The following PLK1 variants were observed in gnomAD, a reference collection of about 807,000 sequenced individuals.
PLK1 encodes the protein serine/threonine-protein kinase PLK1.
PLK1 carries 6 observed loss-of-function variants against 56.7 expected under a neutral mutation model. The ratio of observed to expected loss-of-function variants is 0.11; its 90% CI spans 0.06 to 0.21. The LOEUF is 0.21. Among genes scored for constraint, PLK1 ranks in the 10% least tolerant of loss-of-function variants. The pLI is 1.00. For missense variants in PLK1, 546 were observed against 814.4 expected (o/e 0.67, Z 4.01); for synonymous variants, 298 against 325.0 (o/e 0.92, Z 0.89).
chr16:23,687,575 G>A lies in PLK1; in HGVS notation c.1143G>A (p.Leu381=), dbSNP rs1177709054. Residue 381 remains leucine, a synonymous_variant, in exon 6 of 10, where the codon CTG becomes CTA. Transcript: ENST00000300093. ...DCHLSDMLQQ[L]HSVNASKPSE... is the part of the protein sequence containing the mutation. ...ACCTCAGTGACATGCTGCAGCAGCT[G>A]CACAGTGTCAATGCCTCCAAGCCCT... 3 of 1,603,372 alleles carry A rather than the reference G, an allele frequency of 1.9e-6. No homozygotes were observed. The highest frequency in any genetic ancestry group is 2.6e-6 in the Non-Finnish European group (3 of 1,173,966).
Position 23,689,401 on chromosome 16 carries a change from C to T in PLK1, c.1425+9C>T, listed in dbSNP as rs201929610. ...ACTCCTTGATGAAGAAGGTGAGTGC[C>T]GTCCGGCCCATGGGGGGTGGTGTTG... On this transcript the variant is annotated intron_variant, in intron 8 of 9. Transcript: ENST00000300093. The surrounding 1 kb of genome is among the most constrained non-coding windows in gnomAD (Gnocchi z 4.8). 227 of 1,605,164 alleles carry T rather than the reference C, an allele frequency of 1.4e-4. No homozygotes were observed. The East Asian group carries it at 2.2e-3, about 16-fold the overall frequency.
At chr16:23,683,465 G>T (rs1188068970) in intron 4 of PLK1, among the ~76,000 whole-genome samples, 1 of 152,130 alleles carries the variant, frequency 6.6e-6, no homozygotes, top group Non-Finnish European at 1.5e-5. Context: ...TTCACTGTCA[G>T]AGACAGCATG....
chr16:23,689,653 A>C lies in PLK1; in HGVS notation c.1585A>C (p.Ser529Arg). ...CATCATCCTGCACCTCAGCAACGGC[A>C]GCGTGCAGATCAACTTCTTCCAGGT... ...SAIILHLSNG[S>R]VQINFFQDHT... is the part of the protein sequence containing the mutation. Residue 529 changes from serine to arginine, a missense_variant, in exon 9 of 10, where the codon AGC becomes CGC. By Grantham distance (110) the Ser-to-Arg change is moderately radical (BLOSUM62 -1). Around this residue, in one of 7 missense-constraint regions of PLK1, gnomAD observed 113 missense variants for 202.0 expected, o/e 0.56. Coordinates refer to ENST00000300093, the MANE Select transcript of PLK1 (RefSeq NM_005030.6). This position sits in a 1 kb window ranked among gnomAD's most constrained non-coding sequence, Gnocchi z 4.8. 1.9e-6 allele frequency: 3 copies of C among 1,608,550 alleles called. No homozygotes were observed. The highest frequency in any genetic ancestry group is 2.5e-6 in the Non-Finnish European group (3 of 1,177,594).
intron 4 of PLK1, among the ~76,000 whole-genome samples, chr16:23,683,382 T>C (rs1162694701): frequency 6.6e-6 from 1 of 152,140 alleles, no homozygotes. Context: ...GTTTGAAGTG[T>C]AGTGTCCTTG....
chr16:23,678,943 C>G lies in PLK1; in HGVS notation c.11C>G (p.Ala4Gly). 2 of 1,556,098 alleles carry G rather than the reference C, an allele frequency of 1.3e-6. No homozygotes were observed. Among genetic ancestry groups the G allele is most frequent in the Non-Finnish European group, 1.7e-6 (2 of 1,150,652 alleles). Residue 4 changes from alanine to glycine, a missense_variant, in exon 1 of 10, where the codon GCA becomes GGA. Physicochemically the swap from Ala to Gly is moderately conservative, Grantham distance 60. Coordinates refer to ENST00000300093, the MANE Select transcript of PLK1 (RefSeq NM_005030.6). ...CGCAGCTTCGGGAGCATGAGTGCTGCAGTGACTGCAGGGAAGCTGGCACGG... is the reference window on the plus strand; with the variant it reads ...CGCAGCTTCGGGAGCATGAGTGCTGGAGTGACTGCAGGGAAGCTGGCACGG... MSAAVTAGKLARAP... is the reference protein window; with the variant it reads MSAGVTAGKLARAP...
At chr16:23,684,164 C>G (rs986244912) in intron 5 of PLK1, 75 bp downstream of exon 5, 14 of 1,178,078 alleles carry the variant, frequency 1.2e-5, no homozygotes, top group Admixed American at 1.7e-5. Context: ...GCAGCTTAGT[C>G]CCTGGCCCTG....
In PLK1 at chr16:23,689,123, ATCC is replaced by A. The variant is rs1959486482; in HGVS notation, c.1271-108_1271-106del. On this transcript the variant is annotated intron_variant, in intron 7 of 9. Coordinates refer to ENST00000300093, the MANE Select transcript of PLK1 (RefSeq NM_005030.6). This position sits in a 1 kb window ranked among gnomAD's most constrained non-coding sequence, Gnocchi z 4.8. ...GGTCTCAAACTCCTGGGCTCAAACA[ATCC>A]TCCTCCCTCAGCCTCCCAAAGTGCT... The A allele has an allele frequency of 2.2e-6, 2 of 906,516 alleles. No homozygotes were observed. Among genetic ancestry groups the A allele is most frequent in the South Asian group, 1.5e-5 (1 of 65,928 alleles). 56.2% of individuals were successfully genotyped at this position (906,516 alleles called of 1,614,324 possible). A position where few individuals can be genotyped will look rare whatever the true frequency, so the allele number is the denominator to read the frequency against.
chr16:23,690,059 C>T lies in PLK1; in HGVS notation c.1808C>T (p.Ser603Phe). Residue 603 changes from serine to phenylalanine, a missense_variant, in exon 10 of 10, where the codon TCC becomes TTC. Transcript: ENST00000300093. ...SRSASNRLKAS is the reference protein window; with the variant it reads ...SRSASNRLKAF Reference sequence around the variant, plus strand: ...TCGGCCAGCAACCGTCTCAAGGCCTCCTAATAGCTGCCCTCCCCTCCGGAC... The same window carrying T: ...TCGGCCAGCAACCGTCTCAAGGCCTTCTAATAGCTGCCCTCCCCTCCGGAC... 1.2e-6 allele frequency: 2 copies of T among 1,607,418 alleles called. No individual in the cohort carries two copies. Among genetic ancestry groups the T allele is most frequent in the Non-Finnish European group, 1.7e-6 (2 of 1,178,774 alleles).
At chr16:23,685,134 C>A (rs1478830553) in intron 5 of PLK1, among the ~76,000 whole-genome samples, 2 of 151,326 alleles carry the variant, frequency 1.3e-5, no homozygotes, top group Non-Finnish European at 2.9e-5. Context: ...TGATGTACAA[C>A]TTCAGTTCAT....
chr16:23,684,119 AC>A (rs772262737), intron 5 of PLK1, 30 bp downstream of exon 5: 17 of 1,571,650 alleles, frequency 1.1e-5, no homozygotes, highest in Non-Finnish European at 1.3e-5. Context: ...AAGAGAGCAG[AC>A]CCCCCAGAGA....
intron 5 of PLK1, among the ~76,000 whole-genome samples, chr16:23,684,804 C>A (rs1959398723): frequency 6.6e-6 from 1 of 151,228 alleles, no homozygotes; most frequent in East Asian, 1.9e-4. Flanking sequence ...ACTACAGGCG[C>A]CCACCACCAT....
At chr16:23,680,347 A>G in intron 2 of PLK1, 95 bp downstream of exon 2, 1 of 1,010,752 alleles carries the variant, frequency 9.9e-7, no homozygotes, top group Non-Finnish European at 1.5e-6. Flanking sequence ...CCCACAAGTC[A>G]GTATCTTGCC....
In PLK1 at chr16:23,683,974, T is replaced by A; in HGVS notation, c.921T>A (p.Ser307=). 1.2e-6 allele frequency: 2 copies of A among 1,614,134 alleles called. No individual in the cohort carries two copies. The highest frequency in any genetic ancestry group is 1.7e-6 in the Non-Finnish European group (2 of 1,180,000). ...NELLNDEFFT[S]GYIPARLPIT... ...TGCTTAATGACGAGTTCTTTACTTC[T>A]GGCTATATCCCTGCCCGTCTCCCCA... Residue 307 remains serine, a synonymous_variant, in exon 5 of 10, where the codon TCT becomes TCA. Transcript: ENST00000300093.
At chr16:23,681,929 G>A (rs1305050529) in intron 3 of PLK1, 135 bp from the exon 4 acceptor site, 2 of 626,422 alleles carry the variant, frequency 3.2e-6, no homozygotes, top group Non-Finnish European at 5.8e-6. Flanking sequence ...TGGACTTAGG[G>A]ATTGTCTTCA....
In PLK1 at chr16:23,689,435, G is replaced by A. The variant is rs757233295; in HGVS notation, c.1425+43G>A. On this transcript the variant is annotated intron_variant, in intron 8 of 9. Transcript: ENST00000300093. This position sits in a 1 kb window ranked among gnomAD's most constrained non-coding sequence, Gnocchi z 4.8. Reference sequence around the variant, plus strand: ...CATGGGGGGTGGTGTTGCAGAAGTGGGACCTGTGCTGGAGGATCAGACTCT... The same window carrying A: ...CATGGGGGGTGGTGTTGCAGAAGTGAGACCTGTGCTGGAGGATCAGACTCT... 6.2e-7 allele frequency: 1 copy of A among 1,600,564 alleles called. No homozygotes were observed. The highest frequency in any genetic ancestry group is 1.7e-5 in the Admixed American group (1 of 59,828).
rs779069738 is a variant in PLK1 at position 23,679,179 on chromosome 16, A to G, written c.247A>G (p.Ile83Val). Reference sequence around the variant, plus strand: ...CACCAAGGAGGTGTTCGCGGGCAAGATTGTGCCTAAGTCTCTGCTGCTCAA... The same window carrying G: ...CACCAAGGAGGTGTTCGCGGGCAAGGTTGTGCCTAAGTCTCTGCTGCTCAA... ...ADTKEVFAGKIVPKSLLLKPH... is the reference protein window; with the variant it reads ...ADTKEVFAGKVVPKSLLLKPH... Residue 83 changes from isoleucine (I) to valine (V), a missense_variant, in exon 1 of 10, where the codon ATT becomes GTT. Physicochemically the swap from Ile to Val is conservative, Grantham distance 29 (BLOSUM62 3). This residue lies in a region of PLK1 where 111 missense variants were observed against 211.8 expected (regional missense o/e 0.52). Transcript: ENST00000300093. The G allele has an allele frequency of 1.2e-6, 2 of 1,613,982 alleles. No homozygotes were observed. Among genetic ancestry groups the G allele is most frequent in the Admixed American group, 3.3e-5 (2 of 60,024 alleles).
intron 5 of PLK1, among the ~76,000 whole-genome samples, chr16:23,684,910 G>T (rs867431034): frequency 1.4e-5 from 2 of 139,964 alleles, no homozygotes; most frequent in African/African-American, 5.3e-5. Flanking sequence ...CGCCTGCCTC[G>T]GCCTCCCAAA....
chr16:23,682,524 C>CTTTTT (rs375256991), intron 4 of PLK1, among the ~76,000 whole-genome samples: 9 of 136,146 alleles, frequency 6.6e-5, no homozygotes, highest in African/African-American at 2.4e-4. Context: ...TGGCCTGCAT[C>CTTTTT]TTTTTTTTTT....
chr16:23,679,691 T>G, intron 1 of PLK1: 1 of 264,172 alleles, frequency 3.8e-6, no homozygotes, highest in Non-Finnish European at 7.1e-6. Context: ...CCCTGGGAGC[T>G]TCTGGGGTGG....
Sources: allele counts gnomAD v4.1 joint callset (sites outside exome capture counted in the v4.1 genomes callset), GRCh38; gene constraint gnomAD v4.1.1; regional missense constraint gnomAD v4.1.1; non-coding constraint Gnocchi (gnomAD v3.1); transcripts MANE v1.5; gene names NCBI Gene and HGNC (gene_info 2026-07-23, HGNC 2026-07-21).